Variants in SBK3 observed in about 807,000 individuals in gnomAD.
The protein encoded by SBK3 is SH3 domain binding kinase family member 3, also known as uncharacterized serine/threonine-protein kinase SBK3.
Under a neutral mutation model 12.7 loss-of-function variants are expected in SBK3, and 16 were observed. That is an observed-to-expected ratio of 1.26 (90% CI 0.86 to 1.92). The LOEUF is 1.92. Ranked by LOEUF, SBK3 falls within the 40% of genes most tolerant of loss-of-function variation. SBK3 has a pLI of 0.00. For missense variants in SBK3, 462 were observed against 481.8 expected (o/e 0.96, Z 0.38); for synonymous variants, 217 against 213.6 (o/e 1.02, Z -0.14).
chr19:55,544,972 G>A (rs1218838262), intron 1 of SBK3, 23 bp from the exon 2 acceptor site: 1 of 1,513,078 alleles, frequency 6.6e-7, no homozygotes, highest in Non-Finnish European at 8.8e-7. Context: ...GGCAGGGTGA[G>A]GAGGGGGCGC....
rs1568495604 is a variant in SBK3 at position 55,541,004 on chromosome 19, A to C, written c.922T>G (p.Trp308Gly). ...LAVLDFLGDD[W>G]GLQGNREGPG... ...CCCTCTCTGTTCCCTTGCAACCCCC[A>C]GTCGTCCCCCAGGAAGTCCAGGACA... The change falls in exon 4 of 4, where the codon TGG becomes GGG. Residue 308 changes from tryptophan to glycine, a missense_variant. Physicochemically the swap from Trp to Gly is radical, Grantham distance 184 (BLOSUM62 -2). Coordinates refer to ENST00000612221, the MANE Select transcript of SBK3 (RefSeq NM_001199824.2). The surrounding 1 kb of genome is among the most constrained non-coding windows in gnomAD (Gnocchi z 5.3). 2 of 1,535,794 alleles carry C rather than the reference A, an allele frequency of 1.3e-6. No individual in the cohort carries two copies. Among genetic ancestry groups the C allele is most frequent in the Non-Finnish European group, 1.7e-6 (2 of 1,146,800 alleles).
At chr19:55,544,337 G>A (rs541672987) in intron 2 of SBK3, 35 bp from the exon 3 acceptor site, 15 of 1,500,438 alleles carry the variant, frequency 1.0e-5, no homozygotes, top group African/African-American at 4.1e-5. Context: ...ACACTCAGGC[G>A]GCTCCAGTCC....
chr19:55,542,683 C>A (rs919488672), intron 3 of SBK3, among the ~76,000 whole-genome samples: 1 of 150,948 alleles, frequency 6.6e-6, no homozygotes, highest in African/African-American at 2.4e-5. Context: ...ACCCACCCAC[C>A]TATCCACTCA....
At chr19:55,544,036 C>T (rs990180401) in intron 3 of SBK3, 64 bp downstream of exon 3, 22 of 1,355,384 alleles carry the variant, frequency 1.6e-5, no homozygotes, top group Admixed American at 9.0e-5. Flanking sequence ...GAGACAGAGA[C>T]GGGGCTTGGG....
rs992484346 is a variant in SBK3, at chr19:55,544,151, G to A, written c.348C>T (p.Phe116=). The change falls in exon 3 of 4, where the codon TTC becomes TTT. Residue 116 remains phenylalanine, a synonymous_variant. Coordinates refer to ENST00000612221, the MANE Select transcript of SBK3 (RefSeq NM_001199824.2). ...CCCCACAGGGCGCGTACTCCTGGGC[G>A]AAGGCAAAATAGCGGGGGGTCTGTA... The part of the protein sequence containing the change: ...GPLQTPRYFA[F]AQEYAPCGDL... 30 of 1,534,604 alleles carry A rather than the reference G, an allele frequency of 2.0e-5. No homozygotes were observed. Among genetic ancestry groups the A allele is most frequent in the East Asian group, 7.3e-5 (3 of 40,894 alleles).
rs1331026391 is a variant in SBK3 at position 55,544,911 on chromosome 19, C to T, written c.84G>A (p.Leu28=). The part of the protein sequence containing the change: ...TATALQRLVE[L]TTSRVTPVRS... ...TCACCGGGGTCACCCTGCTGGTCGT[C>T]AGCTCCACCAGCCGTTGGAGGGCTG... Residue 28 remains leucine, a synonymous_variant, in exon 2 of 4, where the codon CTG becomes CTA. Transcript: ENST00000612221. 76 of 1,534,132 alleles carry T rather than the reference C, an allele frequency of 5.0e-5. No individual in the cohort carries two copies. Among genetic ancestry groups the T allele is most frequent in the Non-Finnish European group, 6.5e-5 (75 of 1,146,334 alleles).
Position 55,545,049 on chromosome 19 carries a change from A to T in SBK3, c.46-100T>A. ...GCAGCCCCAGGATGGAGGGTGGGGCAGGGGACAGGGGTCACTGTCCCCAGA... is the reference window on the plus strand; with the variant it reads ...GCAGCCCCAGGATGGAGGGTGGGGCTGGGGACAGGGGTCACTGTCCCCAGA... On this transcript the variant is annotated intron_variant, in intron 1 of 3. Coordinates refer to ENST00000612221, the MANE Select transcript of SBK3 (RefSeq NM_001199824.2). The surrounding 1 kb of genome is among the most constrained non-coding windows in gnomAD (Gnocchi z 4.4). The T allele has an allele frequency of 1.2e-6, 1 of 853,682 alleles. No individual in the cohort carries two copies. Among genetic ancestry groups the T allele is most frequent in the Non-Finnish European group, 1.8e-6 (1 of 567,412 alleles). 52.9% of individuals were successfully genotyped at this position (853,682 alleles called of 1,614,324 possible).
Position 55,545,047 on chromosome 19 carries a change from G to T in SBK3, c.46-98C>A. ...GCGCAGCCCCAGGATGGAGGGTGGG[G>T]CAGGGGACAGGGGTCACTGTCCCCA... On this transcript the variant is annotated intron_variant, in intron 1 of 3. Coordinates refer to ENST00000612221, the MANE Select transcript of SBK3 (RefSeq NM_001199824.2). This position sits in a 1 kb window ranked among gnomAD's most constrained non-coding sequence, Gnocchi z 4.4. The T allele has an allele frequency of 1.1e-6, 1 of 910,222 alleles. No homozygotes were observed. The highest frequency in any genetic ancestry group is 1.6e-6 in the Non-Finnish European group (1 of 614,198). 56.4% of individuals were successfully genotyped at this position (910,222 alleles called of 1,614,324 possible).
At chr19:55,543,387 TCCACCCATCTATTCAC>T (rs1988607967) in intron 3 of SBK3, among the ~76,000 whole-genome samples, 2 of 127,998 alleles carry the variant, frequency 1.6e-5, no homozygotes, top group Admixed American at 8.5e-5. Context: ...AGTCCTTCCT[TCCACCCATCTATTCAC>T]CCACCCATCT....
chr19:55,542,822 A>ATCCATCCATCCATCCG (rs1988586895), intron 3 of SBK3, among the ~76,000 whole-genome samples: 1 of 144,184 alleles, frequency 6.9e-6, no homozygotes, highest in African/African-American at 2.6e-5. Context: ...CGATCCATCC[A>ATCCATCCATCCATCCG]TCCATCCATC....
rs892191145 is a variant in SBK3, at chr19:55,541,589, A to C, written c.400-63T>G. On this transcript the variant is annotated intron_variant, in intron 3 of 3. Transcript: ENST00000612221. This position sits in a 1 kb window ranked among gnomAD's most constrained non-coding sequence, Gnocchi z 5.3. ...TGGTTTTGTCTTTTTTATGTTGTCC[A>C]GGCTGGTCTCAAACTCCTGGCCTCA... 7.4e-7 allele frequency: 1 copy of C among 1,356,586 alleles called. No individual in the cohort carries two copies. The highest frequency in any genetic ancestry group is 2.1e-4 in the Middle Eastern group (1 of 4,666). The allele number at this position is 1,356,586 out of a possible 1,614,324, so 84.0% of individuals were successfully genotyped here.
rs536453191 is a variant in SBK3 at position 55,540,757 on chromosome 19, G to A, written c.*89C>T. ...CAATGTGTTCCCTCTCTGTCCTCCC[G>A]GGTGCAGCTGTCTCTCCATCCAGGT... On this transcript the variant is annotated 3_prime_UTR_variant, in exon 4 of 4. Transcript: ENST00000612221. 1.5e-5 allele frequency: 16 copies of A among 1,085,346 alleles called. No homozygotes were observed. The highest frequency in any genetic ancestry group is 9.3e-5 in the African/African-American group (6 of 64,558). 67.2% of individuals were successfully genotyped at this position (1,085,346 alleles called of 1,614,324 possible).
At chr19:55,544,681 AC>A in intron 2 of SBK3, 117 bp downstream of exon 2, 1 of 996,012 alleles carries the variant, frequency 1.0e-6, no homozygotes, top group South Asian at 1.7e-5. Context: ...CTTTCAGAGT[AC>A]CCCCACTGAG....
chr19:55,541,120 G>A lies in SBK3; in HGVS notation c.806C>T (p.Pro269Leu). 1 of 1,535,514 alleles carries A rather than the reference G, an allele frequency of 6.5e-7. No homozygotes were observed. The highest frequency in any genetic ancestry group is 8.7e-7 in the Non-Finnish European group (1 of 1,146,632). The change falls in exon 4 of 4, where the codon CCA (proline) becomes CTA (leucine). Residue 269 changes from proline (P) to leucine (L), a missense_variant. Physicochemically the swap from Pro to Leu is moderately conservative, Grantham distance 98. Coordinates refer to ENST00000612221, the MANE Select transcript of SBK3 (RefSeq NM_001199824.2). This position sits in a 1 kb window ranked among gnomAD's most constrained non-coding sequence, Gnocchi z 5.3. Reference sequence around the variant, plus strand: ...GGGCGCAAACTGGTCCCAGGGTGGTGGTGGCTGAGGTGGCTGAGGCTTGGT... The same window carrying A: ...GGGCGCAAACTGGTCCCAGGGTGGTAGTGGCTGAGGTGGCTGAGGCTTGGT... Reference protein sequence around the residue: ...VTTKPQPPQPPPPWDQFAPPA... With the variant: ...VTTKPQPPQPLPPWDQFAPPA...
chr19:55,541,614 A>T lies in SBK3; in HGVS notation c.400-88T>A. On this transcript the variant is annotated intron_variant, in intron 3 of 3. Transcript: ENST00000612221. This position sits in a 1 kb window ranked among gnomAD's most constrained non-coding sequence, Gnocchi z 5.3. ...AGGCTGGTCTCAAACTCCTGGCCTCAAGCGATCCTCCTGCCTTGGCCTCCC... is the reference window on the plus strand; with the variant it reads ...AGGCTGGTCTCAAACTCCTGGCCTCTAGCGATCCTCCTGCCTTGGCCTCCC... 9.1e-7 allele frequency: 1 copy of T among 1,100,644 alleles called. No individual in the cohort carries two copies. The highest frequency in any genetic ancestry group is 1.3e-6 in the Non-Finnish European group (1 of 792,476). The allele number at this position is 1,100,644 out of a possible 1,614,324, so 68.2% of individuals were successfully genotyped here.
chr19:55,542,489 A>ATCCG (rs1988574485), intron 3 of SBK3, among the ~76,000 whole-genome samples: 1 of 141,838 alleles, frequency 7.1e-6, no homozygotes, highest in Non-Finnish European at 1.5e-5. Flanking sequence ...CCATCCATCC[A>ATCCG]TCCATCCACC....
intron 2 of SBK3, 111 bp downstream of exon 2, chr19:55,544,688 C>A: frequency 9.0e-7 from 1 of 1,107,754 alleles, no homozygotes; most frequent in Non-Finnish European, 1.2e-6. Flanking sequence ...AGTACCCCCA[C>A]TGAGAAGGGT....
intron 3 of SBK3, among the ~76,000 whole-genome samples, chr19:55,542,548 C>CATCA (rs953789835): frequency 1.9e-5 from 1 of 53,536 alleles, no homozygotes; most frequent in Non-Finnish European, 7.3e-5. Flanking sequence ...CCAATCCTTT[C>CATCA]ATCCATCCAT....
chr19:55,545,019 A>T lies in SBK3; in HGVS notation c.46-70T>A. On this transcript the variant is annotated intron_variant, in intron 1 of 3. Transcript: ENST00000612221. This position sits in a 1 kb window ranked among gnomAD's most constrained non-coding sequence, Gnocchi z 4.4. Reference sequence around the variant, plus strand: ...ACTGAGAGTGGTGGGGGAGGAGGTCACGGCGCAGCCCCAGGATGGAGGGTG... The same window carrying T: ...ACTGAGAGTGGTGGGGGAGGAGGTCTCGGCGCAGCCCCAGGATGGAGGGTG... 1 of 1,227,654 alleles carries T rather than the reference A, an allele frequency of 8.1e-7. No homozygotes were observed. Among genetic ancestry groups the T allele is most frequent in the South Asian group, 1.5e-5 (1 of 68,846 alleles). 76.0% of individuals were successfully genotyped at this position (1,227,654 alleles called of 1,614,324 possible).
Sources: allele counts gnomAD v4.1 joint callset (sites outside exome capture counted in the v4.1 genomes callset), GRCh38; gene constraint gnomAD v4.1.1; non-coding constraint Gnocchi (gnomAD v3.1); transcripts MANE v1.5; gene names NCBI Gene and HGNC (gene_info 2026-07-23, HGNC 2026-07-21).